The following GLG1 variants were observed in gnomAD, a reference collection of about 807,000 sequenced individuals.
GLG1 encodes Golgi apparatus protein 1.
In GLG1, 38 loss-of-function variants were observed where a neutral mutation model predicts 160.5. That is an observed-to-expected ratio of 0.24 (90% confidence interval 0.18 to 0.31). GLG1 has a LOEUF of 0.31. Among genes scored for constraint, GLG1 ranks in the 10% least tolerant of loss-of-function variants. GLG1 has a pLI of 1.00. For synonymous variants in GLG1, 644 were observed against 543.4 expected (o/e 1.19, Z -2.57); for missense variants, 1,373 against 1,505.2 (o/e 0.91, Z 1.45).
chr16:74,457,638 A>C (rs558542689), intron 24 of GLG1, among the ~76,000 whole-genome samples: 11 of 152,178 alleles, frequency 7.2e-5, no homozygotes, highest in Non-Finnish European at 1.3e-4. Context: ...CCTGTTCATC[A>C]AATCTTTAGC....
intron 3 of GLG1, 106 bp downstream of exon 3, chr16:74,508,733 A>T: frequency 1.6e-6 from 1 of 622,674 alleles, no homozygotes; most frequent in Non-Finnish European, 2.9e-6. Context: ...GACAGATGTG[A>T]ATTCTAAGAA....
At chr16:74,543,622 A>T (rs1422569460) in intron 1 of GLG1, among the ~76,000 whole-genome samples, 1 of 152,192 alleles carries the variant, frequency 6.6e-6, no homozygotes, top group East Asian at 1.9e-4. Flanking sequence ...AAAGGTATAC[A>T]TCAATAATTA....
intron 1 of GLG1, among the ~76,000 whole-genome samples, chr16:74,573,372 G>T (rs534685363): frequency 6.6e-6 from 1 of 151,888 alleles, no homozygotes; most frequent in East Asian, 1.9e-4. Context: ...AATAATAATC[G>T]TATCTTAAAG....
chr16:74,577,610 T>C (rs987934520), intron 1 of GLG1, among the ~76,000 whole-genome samples: 5 of 151,618 alleles, frequency 3.3e-5, no homozygotes, highest in African/African-American at 1.2e-4. Context: ...ACGAAAACAT[T>C]CTTTTTATTT....
At position 74,501,027 on chromosome 16, in the gene GLG1, C is replaced by G. The variant is rs1427059261; in HGVS notation, c.774+2504G>C. ...CCTCTGGAGGAGGCCAAGTCAAAGC[C>G]AGTCATAGAAGAGTTTCAAGCTTCA... On this transcript the variant is annotated intron_variant, in intron 4 of 25. Transcript: ENST00000422840. Among the ~76,000 whole-genome samples the G allele has an allele frequency of 2.0e-5, 3 of 152,300 alleles. No homozygotes were observed. In the East Asian group the frequency reaches 5.8e-4, roughly 29 times the overall value.
chr16:74,603,781 C>A (rs1255820578), intron 1 of GLG1, among the ~76,000 whole-genome samples: 2 of 152,170 alleles, frequency 1.3e-5, no homozygotes, highest in Admixed American at 1.3e-4. Context: ...ACTCCACCTA[C>A]TAGAACAGCC....
intron 15 of GLG1, 99 bp from the exon 16 acceptor site, chr16:74,470,172 C>G (rs2015145545): frequency 1.3e-6 from 1 of 757,212 alleles, no homozygotes; most frequent in Non-Finnish European, 2.4e-6. Flanking sequence ...AGCCTGTTTA[C>G]AAGACCCTGC....
chr16:74,500,805 C>A (rs2016377088), intron 4 of GLG1, among the ~76,000 whole-genome samples: 1 of 151,986 alleles, frequency 6.6e-6, no homozygotes, highest in African/African-American at 2.4e-5. Context: ...TCATTTATAT[C>A]TTTACTTTTG....
chr16:74,469,288 A>G (rs890761232), intron 16 of GLG1: 7 of 571,504 alleles, frequency 1.2e-5, no homozygotes, highest in African/African-American at 7.5e-5. Flanking sequence ...CATTCCTGAC[A>G]GAAGGGGAAG....
At chr16:74,597,808 C>T (rs1044258532) in intron 1 of GLG1, among the ~76,000 whole-genome samples, 32 of 149,350 alleles carry the variant, frequency 2.1e-4, no homozygotes, top group Non-Finnish European at 4.0e-4. Flanking sequence ...GAGCTGAGAT[C>T]GCACCACTGC....
intron 12 of GLG1, among the ~76,000 whole-genome samples, chr16:74,476,111 G>A (rs185402400): frequency 8.5e-5 from 13 of 152,172 alleles, no homozygotes; most frequent in Non-Finnish European, 1.8e-4. Context: ...GAACCCGGGA[G>A]GCAGAGGTTG....
At chr16:74,520,081 C>G (rs1195253826) in intron 2 of GLG1, among the ~76,000 whole-genome samples, 1 of 152,042 alleles carries the variant, frequency 6.6e-6, no homozygotes, top group Non-Finnish European at 1.5e-5. Context: ...TTAATTAATC[C>G]TCAATCTCTT....
intron 1 of GLG1, among the ~76,000 whole-genome samples, chr16:74,591,193 T>C (rs1763870946): frequency 6.6e-6 from 1 of 151,644 alleles, no homozygotes; most frequent in African/African-American, 2.4e-5. Context: ...TAGCTGGGTG[T>C]CTTGGCATGC....
intron 2 of GLG1, among the ~76,000 whole-genome samples, chr16:74,524,427 T>C (rs921052302): frequency 2.0e-5 from 3 of 152,182 alleles, no homozygotes; most frequent in Non-Finnish European, 2.9e-5. Context: ...TCAGATTAAA[T>C]AAATTCCCTT....
Position 74,470,025 on chromosome 16 carries a change from T to G in GLG1, c.2278A>C (p.Lys760Gln). 6.2e-7 allele frequency: 1 copy of G among 1,610,366 alleles called. No individual in the cohort carries two copies. Among genetic ancestry groups the G allele is most frequent in the Non-Finnish European group, 8.5e-7 (1 of 1,176,542 alleles). ...GGGCAAAGCTTCAACACGTCCTCCT[T>G]GCAGGCCATTTTAAACTTGTAAGAA... is the stretch of plus-strand genomic sequence containing the variant. Reference protein sequence around the residue: ...RFSYKFKMACKEDVLKLCPNI... With the variant: ...RFSYKFKMACQEDVLKLCPNI... The change falls in exon 16 of 26, where the codon AAG (lysine) becomes CAG (glutamine). Residue 760 changes from lysine (K) to glutamine (Q), a missense_variant. Lys to Gln is a moderately conservative substitution (Grantham distance 53, BLOSUM62 1). Transcript: ENST00000422840.
chr16:74,471,571 A>T (rs1010520669), intron 14 of GLG1, among the ~76,000 whole-genome samples: 16 of 152,140 alleles, frequency 1.1e-4, no homozygotes, highest in African/African-American at 3.9e-4. Flanking sequence ...TAGCCTCCCA[A>T]CTGTCAGATC....
intron 4 of GLG1, among the ~76,000 whole-genome samples, chr16:74,499,633 C>T (rs1597272603): frequency 6.6e-6 from 1 of 152,266 alleles, no homozygotes; most frequent in South Asian, 2.1e-4. Context: ...TTTCTCAGAA[C>T]GTGTCCTGGT....
intron 1 of GLG1, among the ~76,000 whole-genome samples, chr16:74,533,056 C>G (rs1303599536): frequency 6.6e-6 from 1 of 152,238 alleles, no homozygotes; most frequent in Non-Finnish European, 1.5e-5. Context: ...CACGGTGGCT[C>G]ACGCCTGTAA....
rs1235774412 is a variant in GLG1, at chr16:74,508,784, T to C, written c.558+55A>G. On this transcript the variant is annotated intron_variant, in intron 3 of 25. Transcript: ENST00000422840. ...GTCATTCTTCTCATAAGGGCTGGTC[T>C]GGTAATTTTCTCCTCTAAGCCATTA... is the stretch of plus-strand genomic sequence containing the variant. The C allele has an allele frequency of 2.1e-5, 16 of 772,774 alleles. No individual in the cohort carries two copies. In the South Asian group the frequency reaches 2.2e-4, roughly 11 times the overall value. 47.9% of individuals were successfully genotyped at this position (772,774 alleles called of 1,614,324 possible). A position where few individuals can be genotyped will look rare whatever the true frequency, so the allele number is the denominator to read the frequency against.
Sources: allele counts gnomAD v4.1 joint callset (sites outside exome capture counted in the v4.1 genomes callset), GRCh38; gene constraint gnomAD v4.1.1; transcripts MANE v1.5; gene names NCBI Gene and HGNC (gene_info 2026-07-23, HGNC 2026-07-21).